CACHD1: variants seen among roughly 807,000 people sequenced by gnomAD.
CACHD1 encodes cache domain containing 1, also known as VWFA and cache domain-containing protein 1.
A neutral mutation model predicts 138.7 loss-of-function variants in CACHD1; 71 were observed. The ratio of observed to expected loss-of-function variants is 0.51; its 90% CI spans 0.42 to 0.62. The LOEUF (loss-of-function observed/expected upper bound fraction) is 0.62. Ranked by LOEUF, CACHD1 falls within the 20% of genes least tolerant of loss-of-function variation. The pLI is 0.00. For missense variants in CACHD1, 1,389 were observed against 1,625.3 expected (o/e 0.85, Z 2.50); for synonymous variants, 578 against 591.5 (o/e 0.98, Z 0.33).
intron 3 of CACHD1, among the ~76,000 whole-genome samples, chr1:64,602,118 T>C (rs1335840465): frequency 3.3e-5 from 5 of 152,234 alleles, no homozygotes; most frequent in African/African-American, 1.2e-4. Context: ...CTAGCTCTAG[T>C]ACTAGCATTA....
intron 1 of CACHD1, among the ~76,000 whole-genome samples, chr1:64,540,713 G>A (rs184760403): frequency 1.3e-5 from 2 of 152,132 alleles, no homozygotes; most frequent in African/African-American, 2.4e-5. Flanking sequence ...AACTCTTCTC[G>A]CTGAGATGAT....
intron 4 of CACHD1, among the ~76,000 whole-genome samples, chr1:64,627,971 G>A (rs755521291): frequency 1.3e-5 from 2 of 152,148 alleles, no homozygotes; most frequent in Non-Finnish European, 2.9e-5. Context: ...GGTGATAGAT[G>A]CTATGAAGAA....
chr1:64,584,063 G>A (rs1570390784), intron 3 of CACHD1, among the ~76,000 whole-genome samples: 1 of 152,142 alleles, frequency 6.6e-6, no homozygotes, highest in African/African-American at 2.4e-5. Flanking sequence ...GGGTCCAGTT[G>A]GGTTTTAGGC....
chr1:64,487,286 G>C (rs1646248262), intron 1 of CACHD1, among the ~76,000 whole-genome samples: 1 of 152,250 alleles, frequency 6.6e-6, no homozygotes, highest in East Asian at 1.9e-4. Context: ...CCTCAGGCTG[G>C]TTTTGCCTGT....
chr1:64,682,167 T>G lies in CACHD1; in HGVS notation c.3586+61T>G, dbSNP rs966511046. 4.3e-6 allele frequency: 6 copies of G among 1,399,076 alleles called. No individual in the cohort carries two copies. The African/African-American group carries it at 8.5e-5, about 20-fold the overall frequency. 86.7% of individuals were successfully genotyped at this position (1,399,076 alleles called of 1,614,324 possible). A position where few individuals can be genotyped will look rare whatever the true frequency, so the allele number is the denominator to read the frequency against. On this transcript the variant is annotated intron_variant, in intron 26 of 26. Transcript: ENST00000651257. ...AACCTCATGTACTCCTGTGGGATGATGCTCACACCCTATTTTGACATGGTT... is the reference window on the plus strand; with the variant it reads ...AACCTCATGTACTCCTGTGGGATGAGGCTCACACCCTATTTTGACATGGTT...
chr1:64,595,257 G>C (rs955038305), intron 3 of CACHD1, among the ~76,000 whole-genome samples: 4 of 152,066 alleles, frequency 2.6e-5, no homozygotes, highest in African/African-American at 9.7e-5. Flanking sequence ...TACAGTCTCC[G>C]GTCTCTAGTC....
chr1:64,585,364 C>T (rs1018502141), intron 3 of CACHD1, among the ~76,000 whole-genome samples: 1 of 152,148 alleles, frequency 6.6e-6, no homozygotes, highest in African/African-American at 2.4e-5. Flanking sequence ...AGTGGTCAAC[C>T]TTTTTGTTAA....
Position 64,470,844 on chromosome 1 carries a change from G to C in CACHD1, c.100G>C (p.Gly34Arg). ...CLVACWLLGA[G>R]AEADFSILDE... Reference sequence around the variant, plus strand: ...GGTCGCGTGCTGGCTCCTGGGCGCCGGGGCCGAAGCCGACTTCTCCATCCT... The same window carrying C: ...GGTCGCGTGCTGGCTCCTGGGCGCCCGGGCCGAAGCCGACTTCTCCATCCT... The change falls in exon 1 of 27, where the codon GGG becomes CGG. Residue 34 changes from glycine to arginine, a missense_variant. Around this residue, in one of 5 missense-constraint regions of CACHD1, gnomAD observed 1,000 missense variants for 1,114.7 expected, o/e 0.90. Transcript: ENST00000651257. This position sits in a 1 kb window ranked among gnomAD's most constrained non-coding sequence, Gnocchi z 5.2. 6.3e-7 allele frequency: 1 copy of C among 1,582,492 alleles called. No individual in the cohort carries two copies. The highest frequency in any genetic ancestry group is 8.6e-7 in the Non-Finnish European group (1 of 1,168,542).
chr1:64,571,379 A>C (rs1049156365), intron 2 of CACHD1, among the ~76,000 whole-genome samples: 6 of 152,224 alleles, frequency 3.9e-5, no homozygotes, highest in African/African-American at 1.4e-4. Flanking sequence ...AATTACTGTA[A>C]TTGAGCTCAT....
rs1315425279 is a variant in CACHD1 at position 64,634,140 on chromosome 1, A to G, written c.886A>G (p.Lys296Glu). Residue 296 changes from lysine to glutamate, a missense_variant, in exon 7 of 27, where the codon AAA becomes GAA. Physicochemically the swap from Lys to Glu is moderately conservative, Grantham distance 56. Coordinates refer to ENST00000651257, the MANE Select transcript of CACHD1 (RefSeq NM_020925.4). The part of the protein sequence containing the change: ...LSPATSETKR[K>E]MSTFVSSVKS... The stretch of plus-strand genomic sequence containing the variant: ...TCCAGCCACCAGTGAGACAAAAAGG[A>G]AAATGTCCACCTTTGTTAGCAGCGT... The G allele has an allele frequency of 1.9e-6, 3 of 1,613,804 alleles. No homozygotes were observed. In the African/African-American group the frequency reaches 4.0e-5, roughly 22 times the overall value.
At chr1:64,647,718 C>A in intron 8 of CACHD1, 83 bp from the exon 9 acceptor site, 2 of 1,144,292 alleles carry the variant, frequency 1.7e-6, no homozygotes, top group East Asian at 2.4e-5. Context: ...TCATCCATGC[C>A]CGTATTTGAT....
chr1:64,576,910 T>G (rs1646972968), intron 2 of CACHD1, among the ~76,000 whole-genome samples: 1 of 151,606 alleles, frequency 6.6e-6, no homozygotes, highest in Non-Finnish European at 1.5e-5. Flanking sequence ...TTTGTTTGTT[T>G]TTTTTTTTTA....
At chr1:64,596,390 G>A (rs1647151945) in intron 3 of CACHD1, among the ~76,000 whole-genome samples, 1 of 152,212 alleles carries the variant, frequency 6.6e-6, no homozygotes, top group Non-Finnish European at 1.5e-5. Context: ...TTGAATAGAG[G>A]TGAAGAGATA....
At chr1:64,621,703 CT>C (rs1570425055) in intron 4 of CACHD1, among the ~76,000 whole-genome samples, 1 of 152,132 alleles carries the variant, frequency 6.6e-6, no homozygotes, top group East Asian at 1.9e-4. Flanking sequence ...TAAGGATCAC[CT>C]TGTACCAAGG....
chr1:64,522,048 G>T (rs2100378127), intron 1 of CACHD1, among the ~76,000 whole-genome samples: 1 of 152,286 alleles, frequency 6.6e-6, no homozygotes, highest in African/African-American at 2.4e-5. Flanking sequence ...AGGCCATGAA[G>T]ATTGTCCCTG....
At chr1:64,660,469 G>A (rs767387307) in intron 13 of CACHD1, among the ~76,000 whole-genome samples, 4 of 151,588 alleles carry the variant, frequency 2.6e-5, no homozygotes, top group Middle Eastern at 3.5e-3. Context: ...TGGATATACT[G>A]GATTCCATAA....
chr1:64,629,239 A>G (rs1423907267), intron 4 of CACHD1, 116 bp from the exon 5 acceptor site: 7 of 1,112,486 alleles, frequency 6.3e-6, no homozygotes, highest in Non-Finnish European at 7.7e-6. Context: ...ACAATCTTGT[A>G]TCTAGTGGGA....
chr1:64,561,184 A>G (rs1029976031), intron 2 of CACHD1, among the ~76,000 whole-genome samples: 1 of 148,810 alleles, frequency 6.7e-6, no homozygotes, highest in Admixed American at 6.7e-5. Flanking sequence ...TTTTTTCATT[A>G]GCTCCTCCTT....
chr1:64,544,370 G>T (rs1014235938), intron 1 of CACHD1, among the ~76,000 whole-genome samples: 3 of 152,138 alleles, frequency 2.0e-5, no homozygotes, highest in African/African-American at 7.2e-5. Flanking sequence ...TGGCGTGAAG[G>T]TTGGGCCAAC....
Sources: allele counts gnomAD v4.1 joint callset (sites outside exome capture counted in the v4.1 genomes callset), GRCh38; gene constraint gnomAD v4.1.1; regional missense constraint gnomAD v4.1.1; non-coding constraint Gnocchi (gnomAD v3.1); transcripts MANE v1.5; gene names NCBI Gene and HGNC (gene_info 2026-07-23, HGNC 2026-07-21).